TTC28: variants seen among roughly 807,000 people sequenced by gnomAD.
The protein encoded by TTC28 is tetratricopeptide repeat domain 28.
A neutral mutation model predicts 198.0 loss-of-function variants in TTC28; 61 were observed. The ratio of observed to expected loss-of-function variants is 0.31; its 90% CI spans 0.25 to 0.38. The LOEUF is 0.38. Among genes scored for constraint, TTC28 ranks in the 10% least tolerant of loss-of-function variants. The pLI is 1.00. For missense variants in TTC28, 2,678 were observed against 3,164.0 expected, an observed-to-expected ratio of 0.85 and a Z score of 3.69; for synonymous variants, 1,171 against 1,297.8, an observed-to-expected ratio of 0.90 and a Z score of 2.10.
At chr22:28,317,663 A>G (rs1569256828) in intron 2 of TTC28, among the ~76,000 whole-genome samples, 1 of 152,092 alleles carries the variant, frequency 6.6e-6, no homozygotes, top group Non-Finnish European at 1.5e-5. Context: ...CCTATATCTG[A>G]TATCTTCAAC....
intron 1 of TTC28, among the ~76,000 whole-genome samples, chr22:28,631,427 A>G (rs2051171663): frequency 1.3e-5 from 2 of 152,160 alleles, no homozygotes. Context: ...TTTGATGTTG[A>G]TTTTTCAAAA....
chr22:28,439,492 A>T (rs962871018), intron 2 of TTC28, among the ~76,000 whole-genome samples: 2 of 152,222 alleles, frequency 1.3e-5, no homozygotes, highest in African/African-American at 4.8e-5. Context: ...TCCCAAGTAT[A>T]ATGGTAAATA....
intron 5 of TTC28, among the ~76,000 whole-genome samples, chr22:28,187,310 T>C (rs1323421593): frequency 6.6e-6 from 1 of 152,200 alleles, no homozygotes; most frequent in African/African-American, 2.4e-5. Flanking sequence ...AAATAATTTG[T>C]CATAAATGTT....
intron 6 of TTC28, among the ~76,000 whole-genome samples, chr22:28,153,395 TAAAAAAAAAA>T (rs55726442): frequency 2.1e-5 from 2 of 97,140 alleles, no homozygotes; most frequent in Non-Finnish European, 4.0e-5. Context: ...CTCAAAGAAT[TAAAAAAAAAA>T]AAAAAAAAAA....
chr22:28,564,937 A>G (rs2049947868), intron 2 of TTC28, among the ~76,000 whole-genome samples: 1 of 149,706 alleles, frequency 6.7e-6, no homozygotes, highest in South Asian at 2.1e-4. Context: ...TTCCAATGCA[A>G]AAAAATGAAA....
chr22:28,043,883 C>T (rs1939762081), intron 12 of TTC28, among the ~76,000 whole-genome samples: 1 of 152,148 alleles, frequency 6.6e-6, no homozygotes, highest in Non-Finnish European at 1.5e-5. Flanking sequence ...ATGAGCTGCA[C>T]ACCAGAGCAA....
chr22:28,258,980 C>A (rs1232321466), intron 5 of TTC28, among the ~76,000 whole-genome samples: 1 of 151,726 alleles, frequency 6.6e-6, no homozygotes, highest in Non-Finnish European at 1.5e-5. Context: ...CAAAGAAATT[C>A]TCACATAGGT....
chr22:28,083,513 T>C (rs540331895), intron 12 of TTC28, among the ~76,000 whole-genome samples: 1 of 152,336 alleles, frequency 6.6e-6, no homozygotes, highest in East Asian at 1.9e-4. Context: ...TTAAAAGTAC[T>C]ATATGCGAAT....
intron 2 of TTC28, among the ~76,000 whole-genome samples, chr22:28,422,777 G>A (rs527767486): frequency 6.6e-6 from 1 of 151,922 alleles, no homozygotes; most frequent in Non-Finnish European, 1.5e-5. Flanking sequence ...ACCTCTATAA[G>A]AAGTTTAAAA....
chr22:28,335,281 G>A (rs1343659848), intron 2 of TTC28, among the ~76,000 whole-genome samples: 1 of 152,176 alleles, frequency 6.6e-6, no homozygotes, highest in East Asian at 1.9e-4. Flanking sequence ...TTGGAAGTCA[G>A]GTACCGTGAT....
chr22:28,032,025 T>G (rs1211423070), intron 12 of TTC28, among the ~76,000 whole-genome samples: 2 of 151,702 alleles, frequency 1.3e-5, no homozygotes, highest in African/African-American at 2.4e-5. Context: ...TTCCTGGGTC[T>G]GCAGCTTGCT....
At chr22:28,141,121 C>A (rs1484234673) in intron 6 of TTC28, among the ~76,000 whole-genome samples, 2 of 152,178 alleles carry the variant, frequency 1.3e-5, no homozygotes, top group African/African-American at 2.4e-5. Context: ...TTGGCTCACT[C>A]AGAGGCGCTC....
At chr22:28,576,041 G>A (rs1487025046) in intron 2 of TTC28, among the ~76,000 whole-genome samples, 1 of 152,064 alleles carries the variant, frequency 6.6e-6, no homozygotes. Flanking sequence ...ATGAATAACA[G>A]TGGTGAAAGT....
At chr22:28,302,795 C>G (rs889000148) in intron 3 of TTC28, among the ~76,000 whole-genome samples, 2 of 152,146 alleles carry the variant, frequency 1.3e-5, no homozygotes, top group Non-Finnish European at 2.9e-5. Context: ...CTGCCTCAGC[C>G]TCCTGAGTAG....
intron 20 of TTC28, among the ~76,000 whole-genome samples, chr22:27,990,580 G>C (rs1409611040): frequency 2.6e-5 from 4 of 152,196 alleles, no homozygotes; most frequent in Non-Finnish European, 5.9e-5. Context: ...AAGGACGCAA[G>C]AAGGGCGGAG....
At chr22:28,237,346 G>C (rs1394555803) in intron 5 of TTC28, among the ~76,000 whole-genome samples, 1 of 152,124 alleles carries the variant, frequency 6.6e-6, no homozygotes, top group East Asian at 1.9e-4. Flanking sequence ...CCATTCTTAG[G>C]AGAATTGAGA....
chr22:28,229,585 A>G (rs1174388028), intron 5 of TTC28, among the ~76,000 whole-genome samples: 1 of 152,212 alleles, frequency 6.6e-6, no homozygotes, highest in Admixed American at 6.5e-5. Flanking sequence ...GAGGCTATAT[A>G]AAGTCAAGGG....
chr22:28,296,283 G>A lies in TTC28; in HGVS notation c.848C>T (p.Ala283Val). ...ECRAHGNLGS[A>V]FFSKGNYREA... ...CCGGTAATTTCCTTTGGAGAAGAAT[G>A]CAGAGCCCAGATTCCCATGAGCTCG... is the stretch of plus-strand genomic sequence containing the variant. The change falls in exon 5 of 23, where the codon GCA becomes GTA. Residue 283 changes from alanine to valine, a missense_variant. Physicochemically the swap from Ala to Val is moderately conservative, Grantham distance 64 (BLOSUM62 0). This residue lies in a region of TTC28 where 775 missense variants were observed against 845.9 expected (regional missense o/e 0.92). Coordinates refer to ENST00000397906, the MANE Select transcript of TTC28 (RefSeq NM_001145418.2). 3 of 1,550,584 alleles carry A rather than the reference G, an allele frequency of 1.9e-6. No individual in the cohort carries two copies. The highest frequency in any genetic ancestry group is 2.6e-6 in the Non-Finnish European group (3 of 1,146,506).
At chr22:28,421,730 G>T (rs538638587) in intron 2 of TTC28, among the ~76,000 whole-genome samples, 11 of 152,172 alleles carry the variant, frequency 7.2e-5, no homozygotes, top group Admixed American at 6.5e-4. Flanking sequence ...GGCGGATCAC[G>T]AGGTCAGGAG....
Sources: allele counts gnomAD v4.1 joint callset (sites outside exome capture counted in the v4.1 genomes callset), GRCh38; gene constraint gnomAD v4.1.1; regional missense constraint gnomAD v4.1.1; transcripts MANE v1.5; gene names NCBI Gene and HGNC (gene_info 2026-07-23, HGNC 2026-07-21).